Variants in MPP7 observed in about 807,000 individuals in gnomAD.
The protein encoded by MPP7 is MAGUK p55 subfamily member 7.
Under a neutral mutation model 76.5 loss-of-function variants are expected in MPP7, and 60 were observed. The observed-to-expected ratio is 0.78, with a 90% confidence interval of 0.64 to 0.97. The LOEUF is 0.97. Ranked by LOEUF, MPP7 falls within the 50% of genes least tolerant of loss-of-function variation. The pLI, the probability that MPP7 is intolerant of heterozygous loss-of-function variation, is 0.00. For missense variants in MPP7, 641 were observed against 694.0 expected, an observed-to-expected ratio of 0.92 and a Z score of 0.86; for synonymous variants, 237 against 244.5, an observed-to-expected ratio of 0.97 and a Z score of 0.29.
chr10:28,260,589 G>T (rs1426291771), intron 1 of MPP7, among the ~76,000 whole-genome samples: 1 of 151,562 alleles, frequency 6.6e-6, no homozygotes, highest in Non-Finnish European at 1.5e-5. Context: ...CTGACCAACA[G>T]GGCAAAACCC....
chr10:28,109,848 CAAAAA>C (rs869206744), intron 11 of MPP7, among the ~76,000 whole-genome samples: 2 of 19,214 alleles, frequency 1.0e-4, no homozygotes, highest in Non-Finnish European at 1.7e-4. Context: ...GCCGCAGACG[CAAAAA>C]AAAAAAAAAA....
At chr10:28,227,253 T>C (rs983406084) in intron 2 of MPP7, among the ~76,000 whole-genome samples, 1 of 152,242 alleles carries the variant, frequency 6.6e-6, no homozygotes, top group Non-Finnish European at 1.5e-5. Flanking sequence ...ACACTGCTTC[T>C]TGTTCACAGA....
At chr10:28,256,044 T>G (rs1004770706) in intron 1 of MPP7, among the ~76,000 whole-genome samples, 6 of 152,162 alleles carry the variant, frequency 3.9e-5, no homozygotes, top group Non-Finnish European at 8.8e-5. Context: ...TGGTTAATTT[T>G]CTTTGCTCTG....
At chr10:28,246,299 A>T (rs994758235) in intron 1 of MPP7, among the ~76,000 whole-genome samples, 1 of 150,480 alleles carries the variant, frequency 6.6e-6, no homozygotes, top group African/African-American at 2.4e-5. Flanking sequence ...TGATACAATC[A>T]AAGTGGTGAA....
rs1429486304 is a variant in MPP7 at position 28,202,232 on chromosome 10, T to C, written c.77A>G (p.Gln26Arg). Reference protein sequence around the residue: ...ELLAALPAQLQPHVDSQEDLT... With the variant: ...ELLAALPAQLRPHVDSQEDLT... ...GTCTTCCTGGCTATCCACATGTGGC[T>C]GCAGCTGGGCTGGCAGAGCAGCCAA... Residue 26 changes from glutamine (Q) to arginine (R), a missense_variant, in exon 3 of 17, where the codon CAG (glutamine) becomes CGG (arginine). Transcript: ENST00000683449. 2 of 1,613,674 alleles carry C rather than the reference T, an allele frequency of 1.2e-6. No homozygotes were observed. Among genetic ancestry groups the C allele is most frequent in the African/African-American group, 2.7e-5 (2 of 74,924 alleles).
intron 1 of MPP7, among the ~76,000 whole-genome samples, chr10:28,243,960 T>C (rs1178241467): frequency 2.0e-5 from 3 of 152,218 alleles, no homozygotes; most frequent in African/African-American, 4.8e-5. Flanking sequence ...GAGCCTTCAA[T>C]AATTTTTAAG....
chr10:28,126,186 T>C (rs1468462202), intron 6 of MPP7, among the ~76,000 whole-genome samples: 1 of 152,174 alleles, frequency 6.6e-6, no homozygotes, highest in African/African-American at 2.4e-5. Flanking sequence ...TTTACGGCAT[T>C]TTTCATCACC....
At chr10:28,067,099 A>G (rs1201022125) in intron 13 of MPP7, among the ~76,000 whole-genome samples, 1 of 152,182 alleles carries the variant, frequency 6.6e-6, no homozygotes, top group Non-Finnish European at 1.5e-5. Flanking sequence ...GTGTTTGCTC[A>G]GCTTTAGTGG....
In MPP7 at chr10:28,171,444, G is replaced by A. The variant is rs547052937; in HGVS notation, c.157-21385C>T. On this transcript the variant is annotated intron_variant, in intron 3 of 16. Coordinates refer to ENST00000683449, the MANE Select transcript of MPP7 (RefSeq NM_001318170.2). ...ACAGTTTTCTATTTTAATAGCTGCC[G>A]GTTAGTCTTGGTTGCCAATATGGGA... Among the ~76,000 whole-genome samples, 7 of 152,206 alleles carry A rather than the reference G, an allele frequency of 4.6e-5. No individual in the cohort carries two copies. The South Asian group carries it at 1.0e-3, about 23-fold the overall frequency.
At chr10:28,124,972 G>A (rs780241723) in intron 7 of MPP7, 38 bp downstream of exon 7, 23 of 1,544,814 alleles carry the variant, frequency 1.5e-5, no homozygotes, top group South Asian at 4.5e-5. Flanking sequence ...CACGAAACAC[G>A]TGATTAGTCT....
At chr10:28,323,444 C>A (rs1208227623) in intron 2 of MPP7, among the ~76,000 whole-genome samples, 1 of 141,472 alleles carries the variant, frequency 7.1e-6, no homozygotes, top group East Asian at 2.1e-4. Context: ...CAGAGTGAGA[C>A]TCTATCTAGG....
intron 3 of MPP7, among the ~76,000 whole-genome samples, chr10:28,191,446 G>T (rs781562229): frequency 2.3e-4 from 35 of 152,064 alleles, no homozygotes; most frequent in Non-Finnish European, 3.5e-4. Context: ...TATACAGATT[G>T]AGCATCCCAA....
chr10:28,128,561 A>G (rs1835091605), intron 6 of MPP7, among the ~76,000 whole-genome samples: 1 of 152,116 alleles, frequency 6.6e-6, no homozygotes, highest in Non-Finnish European at 1.5e-5. Context: ...AGTCTAAAGG[A>G]TTTCCCAACA....
At chr10:28,085,499 G>C (rs1164475096) in intron 12 of MPP7, among the ~76,000 whole-genome samples, 1 of 152,178 alleles carries the variant, frequency 6.6e-6, no homozygotes, top group Non-Finnish European at 1.5e-5. Flanking sequence ...GATCTTAGTA[G>C]CAGAGAAACC....
intron 11 of MPP7, among the ~76,000 whole-genome samples, chr10:28,102,267 G>A (rs575551407): frequency 7.2e-5 from 11 of 152,108 alleles, no homozygotes; most frequent in Non-Finnish European, 1.2e-4. Flanking sequence ...CTCAGCCTCC[G>A]GAGTAGTTGG....
At chr10:28,252,333 A>T (rs1172893653) in intron 1 of MPP7, among the ~76,000 whole-genome samples, 1 of 152,248 alleles carries the variant, frequency 6.6e-6, no homozygotes, top group East Asian at 1.9e-4. Context: ...GACATGTCAC[A>T]CACTCAGAGT....
chr10:28,140,788 T>C lies in MPP7; in HGVS notation c.315+6695A>G, dbSNP rs571644524. ...TTGAAAGCTGGATTAAATCAATAAC[T>C]ACAGAAGAAATTAAAAGCACTATCA... On this transcript the variant is annotated intron_variant, in intron 5 of 16. Transcript: ENST00000683449. Among the ~76,000 whole-genome samples the C allele has an allele frequency of 7.2e-5, 11 of 152,230 alleles. No individual in the cohort carries two copies. The South Asian group carries it at 2.3e-3, about 32-fold the overall frequency.
chr10:28,299,298 T>C (rs1236658320), intron 1 of MPP7, among the ~76,000 whole-genome samples: 3 of 152,266 alleles, frequency 2.0e-5, no homozygotes, highest in East Asian at 3.9e-4. Context: ...GATGCCAATG[T>C]AGAGTTATTA....
rs1288710929 is a variant in MPP7, at chr10:28,085,985, T to C, written c.1123+3686A>G. ...TAAAAAAGGATGAGTTCATGTCCTTTGCAGAGACATGGATGAAGTTGGAAA... is the reference window on the plus strand; with the variant it reads ...TAAAAAAGGATGAGTTCATGTCCTTCGCAGAGACATGGATGAAGTTGGAAA... On this transcript the variant is annotated intron_variant, in intron 12 of 16. Coordinates refer to ENST00000683449, the MANE Select transcript of MPP7 (RefSeq NM_001318170.2). Among the ~76,000 whole-genome samples the C allele has an allele frequency of 2.0e-5, 3 of 152,206 alleles. No homozygotes were observed. In the East Asian group the frequency reaches 5.8e-4, roughly 29 times the overall value.
Sources: allele counts gnomAD v4.1 joint callset (sites outside exome capture counted in the v4.1 genomes callset), GRCh38; gene constraint gnomAD v4.1.1; transcripts MANE v1.5; gene names NCBI Gene and HGNC (gene_info 2026-07-23, HGNC 2026-07-21).